PLEKHG1: variants seen among roughly 807,000 people sequenced by gnomAD.
The protein encoded by PLEKHG1 is pleckstrin homology and RhoGEF domain containing G1, also known as pleckstrin homology domain-containing family G member 1.
Under a neutral mutation model 100.8 loss-of-function variants are expected in PLEKHG1, and 44 were observed. The ratio of observed to expected loss-of-function variants is 0.44; its 90% confidence interval spans 0.34 to 0.56. The LOEUF is 0.56. Among genes scored for constraint, PLEKHG1 ranks in the 20% least tolerant of loss-of-function variants. The pLI is 0.01. For missense variants in PLEKHG1, 1,545 were observed against 1,720.9 expected (o/e 0.90, Z 1.81); for synonymous variants, 640 against 662.5 (o/e 0.97, Z 0.52).
rs11155749 is a variant in PLEKHG1, at chr6:150,711,020, C to T, written c.-98-22564C>T. The stretch of plus-strand genomic sequence containing the variant: ...GGCCAAACTCTGTGCCTTTTGAGGA[C>T]GCAGCGATGTTGATGTACCTGAAAG... On this transcript the variant is annotated intron_variant, in intron 3 of 3. Coordinates refer to the PLEKHG1 transcript ENST00000367326. Among the ~76,000 whole-genome samples the T allele has an allele frequency of 4.9e-3, 745 of 152,224 alleles. 5 individuals carry two copies. The highest frequency in any genetic ancestry group is 0.017 in the African/African-American group (710 of 41,520).
intron 2 of PLEKHG1, among the ~76,000 whole-genome samples, chr6:150,749,936 G>T (rs939727778): frequency 6.6e-6 from 1 of 152,024 alleles, no homozygotes; most frequent in Non-Finnish European, 1.5e-5. Flanking sequence ...GCCGGGCATG[G>T]TGGCAGGTAC....
chr6:150,821,129 A>G (rs1352943202), intron 12 of PLEKHG1, 66 bp from the exon 14 acceptor site: 1 of 1,273,582 alleles, frequency 7.9e-7, no homozygotes, highest in Non-Finnish European at 1.1e-6. Flanking sequence ...TAATCCTCTT[A>G]TAAAGAATAA....
chr6:150,656,591 G>A (rs376649274), intron 3 of PLEKHG1, among the ~76,000 whole-genome samples: 1 of 152,126 alleles, frequency 6.6e-6, no homozygotes, highest in East Asian at 1.9e-4. Flanking sequence ...TAAGCATGGA[G>A]CACCTCCTTT....
intron 3 of PLEKHG1, among the ~76,000 whole-genome samples, chr6:150,786,059 T>C (rs1303278358): frequency 6.6e-6 from 1 of 151,884 alleles, no homozygotes; most frequent in Non-Finnish European, 1.5e-5. Context: ...AGGTACACTG[T>C]ACCTGGTACC....
At chr6:150,800,742 G>A (rs771026540) in exon 6 of PLEKHG1, 1 of 1,614,032 alleles carries the variant, frequency 6.2e-7, no homozygotes, top group Non-Finnish European at 8.5e-7. Context: ...CTAACAGAGT[G>A]TATGAGGAAC....
At chr6:150,742,133 T>C (rs571670509) in intron 2 of PLEKHG1, among the ~76,000 whole-genome samples, 1 of 152,160 alleles carries the variant, frequency 6.6e-6, no homozygotes, top group Non-Finnish European at 1.5e-5. Flanking sequence ...GACTGGGTAA[T>C]TTATGAAGAA....
chr6:150,604,979 C>A lies in PLEKHG1; in HGVS notation c.-204+4962C>A, dbSNP rs533194430. 3.3e-5 allele frequency among the ~76,000 whole-genome samples: 5 copies of A among 152,260 alleles called. No individual in the cohort carries two copies. The South Asian group carries it at 1.0e-3, about 32-fold the overall frequency. ...TTGCCATTCAAGTAACTTGCAGAGC[C>A]CTGGGTGGGCCGCACTCTCTCTCAC... is the stretch of plus-strand genomic sequence containing the variant. On this transcript the variant is annotated intron_variant, in intron 1 of 3. Transcript: ENST00000367326.
chr6:150,806,687 G>A (rs2128667594), intron 7 of PLEKHG1, among the ~76,000 whole-genome samples: 1 of 150,404 alleles, frequency 6.6e-6, no homozygotes, highest in Non-Finnish European at 1.5e-5. Flanking sequence ...AATTAGCCGG[G>A]CGTGGTGGTG....
intron 1 of PLEKHG1, chr6:150,624,834 G>A (rs1163616158): frequency 1.3e-5 from 2 of 152,154 alleles, no homozygotes; most frequent in African/African-American, 4.8e-5. Context: ...CAGTTTGGCT[G>A]AAATAAAAGC....
chr6:150,841,078 G>A, exon 16 of PLEKHG1: 1 of 698,764 alleles, frequency 1.4e-6, no homozygotes, highest in South Asian at 1.5e-5. Flanking sequence ...GGATTGTACT[G>A]TAGCACATGT....
chr6:150,688,232 C>A (rs1382676894), intron 3 of PLEKHG1, among the ~76,000 whole-genome samples: 1 of 152,150 alleles, frequency 6.6e-6, no homozygotes, highest in Non-Finnish European at 1.5e-5. Context: ...GATTACTGAG[C>A]TTCAGGCAGC....
At chr6:150,840,424 C>T (rs774952763) in exon 16 of PLEKHG1, 11 of 1,613,940 alleles carry the variant, frequency 6.8e-6, no homozygotes, top group African/African-American at 2.7e-5. Context: ...ATTGCTGACT[C>T]GCATCAACAG....
Position 150,683,222 on chromosome 6 carries a change from T to G in PLEKHG1, c.-99+32436T>G, listed in dbSNP as rs971621773. ...TATATTTATGAAATTTAGAGAATAG[T>G]TGTCAACTCGTCATGATAGGACATT... On this transcript the variant is annotated intron_variant, in intron 3 of 3. Coordinates refer to the PLEKHG1 transcript ENST00000367326. This position sits in a 1 kb window ranked among gnomAD's most constrained non-coding sequence, Gnocchi z 4.0. Among the ~76,000 whole-genome samples, 1 of 152,232 alleles carries G rather than the reference T, an allele frequency of 6.6e-6. No individual in the cohort carries two copies. Among genetic ancestry groups the G allele is most frequent in the Non-Finnish European group, 1.5e-5 (1 of 68,046 alleles).
chr6:150,791,826 G>A (rs750883345), intron 4 of PLEKHG1, among the ~76,000 whole-genome samples: 3 of 152,228 alleles, frequency 2.0e-5, no homozygotes, highest in South Asian at 2.1e-4. Flanking sequence ...AACTGTATCC[G>A]GTTGGTGGCA....
intron 7 of PLEKHG1, 38 bp from the exon 9 acceptor site, chr6:150,809,067 T>G: frequency 6.3e-7 from 1 of 1,580,764 alleles, no homozygotes. Context: ...GCCTGGCTTC[T>G]GCCTCCTGTA....
chr6:150,740,252 A>G (rs1328222301), intron 2 of PLEKHG1, among the ~76,000 whole-genome samples: 1 of 152,192 alleles, frequency 6.6e-6, no homozygotes, highest in East Asian at 1.9e-4. Context: ...GTGGTTTCTG[A>G]TTAAGCCTGT....
chr6:150,658,364 CT>C (rs1456352507), intron 3 of PLEKHG1, among the ~76,000 whole-genome samples: 2 of 152,104 alleles, frequency 1.3e-5, no homozygotes, highest in Non-Finnish European at 2.9e-5. Context: ...CGAGTATTTT[CT>C]TTTAATATTC....
At chr6:150,768,688 A>G (rs1342650657) in exon 3 of PLEKHG1, 2 of 1,612,962 alleles carry the variant, frequency 1.2e-6, no homozygotes, top group African/African-American at 1.3e-5. Flanking sequence ...TGGGGACCGA[A>G]GAAAGATCAG....
chr6:150,804,633 G>C, exon 7 of PLEKHG1: 1 of 1,607,072 alleles, frequency 6.2e-7, no homozygotes, highest in Non-Finnish European at 8.5e-7. Context: ...ACCTTGATAA[G>C]GACACAGAAG....
Sources: gnomAD v4.1 joint callset for allele counts (sites outside exome capture counted in the v4.1 genomes callset) on GRCh38, gnomAD v4.1.1 for gene constraint, Gnocchi (gnomAD v3.1) non-coding constraint, MANE v1.5 for transcripts, NCBI Gene and HGNC (gene_info 2026-07-23, HGNC 2026-07-21) for gene names.